Variants in AKAP6 observed in about 807,000 individuals in gnomAD.
AKAP6 encodes A-kinase anchoring protein 6.
A neutral mutation model predicts 188.5 loss-of-function variants in AKAP6; 58 were observed. That is an observed-to-expected ratio of 0.31 (90% CI 0.25 to 0.38). The LOEUF is 0.38. Among genes scored for constraint, AKAP6 ranks in the 10% least tolerant of loss-of-function variants. The pLI is 1.00. For missense variants in AKAP6, 2,710 were observed against 2,740.0 expected, an observed-to-expected ratio of 0.99 and a Z score of 0.24; for synonymous variants, 989 against 998.6, an observed-to-expected ratio of 0.99 and a Z score of 0.18.
chr14:32,788,034 C>A (rs1169164201), intron 12 of AKAP6, among the ~76,000 whole-genome samples: 2 of 81,612 alleles, frequency 2.5e-5, no homozygotes, highest in South Asian at 5.7e-4. Flanking sequence ...GAGTGAGACC[C>A]CATCTCAAAA....
intron 2 of AKAP6, among the ~76,000 whole-genome samples, chr14:32,453,597 T>TGAGA (rs1566511070): frequency 2.5e-4 from 19 of 75,512 alleles, no homozygotes; most frequent in East Asian, 1.1e-3. Flanking sequence ...TTTTTTTTTT[T>TGAGA]TTTTTTTTTT....
intron 9 of AKAP6, chr14:32,718,211 A>G (rs1031030671): frequency 9.4e-6 from 8 of 847,992 alleles, no homozygotes; most frequent in Non-Finnish European, 1.1e-5. Context: ...TCTGTAAGAC[A>G]GAAGTAATAT....
At chr14:32,827,243 CAGAAAA>C (rs747441639) in intron 13 of AKAP6, among the ~76,000 whole-genome samples, 3 of 151,652 alleles carry the variant, frequency 2.0e-5, no homozygotes, top group Non-Finnish European at 2.9e-5. Context: ...ACTACAAGTT[CAGAAAA>C]AGAAAAAGAA....
chr14:32,636,663 A>C (rs1457599650), intron 7 of AKAP6, among the ~76,000 whole-genome samples: 4 of 152,122 alleles, frequency 2.6e-5, no homozygotes, highest in Non-Finnish European at 4.4e-5. Context: ...ATCAAATTTT[A>C]AAGAATGAAT....
intron 8 of AKAP6, among the ~76,000 whole-genome samples, chr14:32,679,921 C>G (rs558066054): frequency 6.6e-6 from 1 of 152,108 alleles, no homozygotes; most frequent in Admixed American, 6.6e-5. Flanking sequence ...TGCTTTGAGG[C>G]CTTAATGTGC....
intron 1 of AKAP6, among the ~76,000 whole-genome samples, chr14:32,329,866 C>T (rs1886474879): frequency 6.6e-6 from 1 of 152,088 alleles, no homozygotes; most frequent in South Asian, 2.1e-4. Flanking sequence ...TCAGTTTCTT[C>T]ATGGCAAGGA....
chr14:32,729,539 T>G (rs922144590), intron 9 of AKAP6, among the ~76,000 whole-genome samples: 5 of 152,144 alleles, frequency 3.3e-5, no homozygotes, highest in Non-Finnish European at 7.4e-5. Context: ...TAAAAGTTTT[T>G]CTTTGTATTT....
intron 10 of AKAP6, chr14:32,734,576 A>G (rs1212617114): frequency 3.3e-5 from 5 of 149,864 alleles, no homozygotes; most frequent in Non-Finnish European, 7.4e-5. Context: ...ACTGTTCCAG[A>G]ACAAAAAAGT....
At chr14:32,601,940 G>A (rs1885942697) in intron 7 of AKAP6, among the ~76,000 whole-genome samples, 1 of 152,160 alleles carries the variant, frequency 6.6e-6, no homozygotes, top group Non-Finnish European at 1.5e-5. Context: ...TGGAAACAGA[G>A]GATAGAATGA....
At chr14:32,499,923 C>T (rs570514955) in intron 2 of AKAP6, among the ~76,000 whole-genome samples, 14 of 152,010 alleles carry the variant, frequency 9.2e-5, no homozygotes, top group South Asian at 4.1e-4. Context: ...TAAATATGTA[C>T]ATATGTACCT....
intron 7 of AKAP6, among the ~76,000 whole-genome samples, chr14:32,663,338 C>G (rs1023953355): frequency 1.3e-5 from 2 of 152,058 alleles, no homozygotes; most frequent in African/African-American, 4.8e-5. Flanking sequence ...ATCAGACCCC[C>G]TGCTTGCCTC....
In AKAP6 at chr14:32,698,439, C is replaced by T. The variant is rs546923979; in HGVS notation, c.3000+2329C>T. ...GGTTTTAAATACAATTTGAGACTAC[C>T]TTATTTATCTCTAATCTTTGTATTT... is the stretch of plus-strand genomic sequence containing the variant. On this transcript the variant is annotated intron_variant, in intron 9 of 13. Transcript: ENST00000280979. 3.3e-5 allele frequency among the ~76,000 whole-genome samples: 5 copies of T among 152,188 alleles called. No individual in the cohort carries two copies. The East Asian group carries it at 9.7e-4, about 29-fold the overall frequency.
At chr14:32,501,907 C>A in intron 2 of AKAP6, among the ~76,000 whole-genome samples, 1 of 152,060 alleles carries the variant, frequency 6.6e-6, no homozygotes, top group Non-Finnish European at 1.5e-5. Context: ...TGACAGTATC[C>A]TATTACTTCT....
At position 32,545,778 on chromosome 14, in the gene AKAP6, T is replaced by A; in HGVS notation, c.1125T>A (p.Asp375Glu). 6.2e-7 allele frequency: 1 copy of A among 1,614,170 alleles called. No homozygotes were observed. Among genetic ancestry groups the A allele is most frequent in the South Asian group, 1.1e-5 (1 of 91,084 alleles). The change falls in exon 4 of 14, where the codon GAT becomes GAA. Residue 375 changes from aspartate (D) to glutamate (E), a missense_variant. Physicochemically the swap from Asp to Glu is conservative, Grantham distance 45 (BLOSUM62 2). This residue lies in a region of AKAP6 where 2,473 missense variants were observed against 2,426.1 expected (regional missense o/e 1.02). Coordinates refer to ENST00000280979, the MANE Select transcript of AKAP6 (RefSeq NM_004274.5). ...ENATPKRTIR[D>E]CFNYNEDSPT... ...CAACCCCCAAACGAACCATCAGAGA[T>A]TGCTTTAATTATAACGAGGACTCTC...
chr14:32,453,575 C>CTTTTTTTTTTTTTTTTT lies in AKAP6; in HGVS notation c.324+19781_324+19797dup, dbSNP rs71115071. Among the ~76,000 whole-genome samples the CTTTTTTTTTTTTTTTTT allele has an allele frequency of 2.9e-4, 28 of 95,352 alleles. 6 individuals carry two copies. The highest frequency in any genetic ancestry group is 7.1e-4 in the East Asian group (2 of 2,834). 62.6% of individuals were successfully genotyped at this position (95,352 alleles called of 152,430 possible). A position where few individuals can be genotyped will look rare whatever the true frequency, so the allele number is the denominator to read the frequency against. On this transcript the variant is annotated intron_variant, in intron 2 of 13. Coordinates refer to ENST00000280979, the MANE Select transcript of AKAP6 (RefSeq NM_004274.5). The stretch of plus-strand genomic sequence containing the variant: ...GTGGAGATAATAGAATTTTTCTTTT[C>CTTTTTTTTTTTTTTTTT]TTTTTTTTTTTTTTTTTTTTTTTTT...
chr14:32,806,020 G>A (rs1028457302), intron 12 of AKAP6, among the ~76,000 whole-genome samples: 7 of 152,124 alleles, frequency 4.6e-5, no homozygotes, highest in Non-Finnish European at 1.0e-4. Flanking sequence ...TGCTGATTAT[G>A]CAAATATTGG....
chr14:32,649,375 G>T (rs1888115009), intron 7 of AKAP6, among the ~76,000 whole-genome samples: 2 of 152,146 alleles, frequency 1.3e-5, no homozygotes, highest in Non-Finnish European at 2.9e-5. Context: ...AATCCTTTTA[G>T]ACTGTTTAAC....
intron 12 of AKAP6, among the ~76,000 whole-genome samples, chr14:32,784,419 C>T: frequency 6.6e-6 from 1 of 152,166 alleles, no homozygotes; most frequent in East Asian, 1.9e-4. Flanking sequence ...CAGGTTCAGT[C>T]TAGTATACAC....
intron 5 of AKAP6, among the ~76,000 whole-genome samples, chr14:32,598,404 A>T (rs1885790506): frequency 6.6e-6 from 1 of 152,248 alleles, no homozygotes; most frequent in Admixed American, 6.5e-5. Context: ...GGTTACTGTG[A>T]TTACTCTCCA....
Sources: gnomAD v4.1 joint callset for allele counts (sites outside exome capture counted in the v4.1 genomes callset) on GRCh38, gnomAD v4.1.1 for gene constraint, gnomAD v4.1.1 regional missense constraint, MANE v1.5 for transcripts, NCBI Gene and HGNC (gene_info 2026-07-23, HGNC 2026-07-21) for gene names.